The following FBXL7 variants were observed in gnomAD, a reference collection of about 807,000 sequenced individuals.
FBXL7 encodes the protein F-box and leucine rich repeat protein 7, also known as F-box/LRR-repeat protein 7.
Under a neutral mutation model 38.3 loss-of-function variants are expected in FBXL7, and 12 were observed. The observed-to-expected ratio is 0.31, with a 90% CI of 0.20 to 0.51. The LOEUF is 0.51. FBXL7 is among the 20% of genes least tolerant of loss of function. The pLI, the probability that FBXL7 is intolerant of heterozygous loss-of-function variation, is 0.98. For missense variants in FBXL7, 567 were observed against 676.4 expected, an observed-to-expected ratio of 0.84 and a Z score of 1.79; for synonymous variants, 297 against 300.9, an observed-to-expected ratio of 0.99 and a Z score of 0.13.
intron 2 of FBXL7, among the ~76,000 whole-genome samples, chr5:15,791,382 A>C (rs1305532568): frequency 6.6e-6 from 1 of 152,106 alleles, no homozygotes; most frequent in African/African-American, 2.4e-5. Context: ...TGATAACTCA[A>C]ATAAAAACTG....
chr5:15,650,819 T>C (rs1741684294), intron 2 of FBXL7, among the ~76,000 whole-genome samples: 1 of 152,182 alleles, frequency 6.6e-6, no homozygotes, highest in African/African-American at 2.4e-5. Flanking sequence ...AGCAATTCAG[T>C]CAAATCTTCA....
At chr5:15,584,918 GAGC>G (rs1255960313) in intron 1 of FBXL7, among the ~76,000 whole-genome samples, 2 of 152,198 alleles carry the variant, frequency 1.3e-5, no homozygotes, top group Non-Finnish European at 2.9e-5. Flanking sequence ...AGGCAGGAGA[GAGC>G]AGGGGAAACT....
At chr5:15,551,367 T>A (rs1431736706) in intron 1 of FBXL7, among the ~76,000 whole-genome samples, 1 of 152,254 alleles carries the variant, frequency 6.6e-6, no homozygotes, top group African/African-American at 2.4e-5. Flanking sequence ...TGTGCAAAGT[T>A]CTTTCTACAA....
intron 2 of FBXL7, among the ~76,000 whole-genome samples, chr5:15,816,563 T>C (rs993211886): frequency 6.6e-6 from 1 of 152,182 alleles, no homozygotes; most frequent in South Asian, 2.1e-4. Context: ...ATGACTCCAG[T>C]GACAGATGCA....
chr5:15,868,342 G>C (rs764813673), intron 2 of FBXL7, among the ~76,000 whole-genome samples: 16 of 152,184 alleles, frequency 1.1e-4, no homozygotes, highest in Non-Finnish European at 2.1e-4. Context: ...TCTTAGCCTG[G>C]TGAGATCCAT....
At chr5:15,800,759 CG>C (rs759103633) in intron 2 of FBXL7, among the ~76,000 whole-genome samples, 5 of 152,188 alleles carry the variant, frequency 3.3e-5, no homozygotes, top group East Asian at 1.9e-4. Flanking sequence ...GAGGCATGTC[CG>C]GGGTGTTATC....
intron 2 of FBXL7, 126 bp from the exon 3 acceptor site, chr5:15,927,764 T>TAAAAAAAAAAAAAAAAAAAA (rs753935096): frequency 7.9e-5 from 36 of 456,824 alleles, no homozygotes; most frequent in African/African-American, 6.6e-4. Flanking sequence ...GACAAGATCT[T>TAAAAAAAAAAAAAAAAAAAA]AAAAAAAAAA....
intron 2 of FBXL7, among the ~76,000 whole-genome samples, chr5:15,758,325 T>A (rs866893264): frequency 9.2e-5 from 14 of 151,952 alleles, no homozygotes; most frequent in Middle Eastern, 3.4e-3. Flanking sequence ...TTTTTTTTTT[T>A]AATTTTAGAA....
At chr5:15,827,652 A>G (rs1292173733) in intron 2 of FBXL7, among the ~76,000 whole-genome samples, 1 of 152,160 alleles carries the variant, frequency 6.6e-6, no homozygotes, top group Non-Finnish European at 1.5e-5. Flanking sequence ...TGATAACGAC[A>G]TTAATCCATT....
At chr5:15,544,163 G>A (rs1021801305) in intron 1 of FBXL7, among the ~76,000 whole-genome samples, 1 of 152,204 alleles carries the variant, frequency 6.6e-6, no homozygotes, top group Non-Finnish European at 1.5e-5. Context: ...CAGTGCCTCT[G>A]CTGCTGCTCT....
intron 2 of FBXL7, among the ~76,000 whole-genome samples, chr5:15,726,741 T>G (rs1045426805): frequency 2.3e-5 from 3 of 128,828 alleles, no homozygotes; most frequent in Non-Finnish European, 5.0e-5. Flanking sequence ...ATGAGCCTTT[T>G]GTGGATAGCA....
At chr5:15,935,375 A>G (rs1742153950) in intron 3 of FBXL7, 3 of 401,074 alleles carry the variant, frequency 7.5e-6, no homozygotes, top group African/African-American at 5.9e-5. Context: ...CCTGGAGTGA[A>G]CGGGCGTCAT....
intron 2 of FBXL7, among the ~76,000 whole-genome samples, chr5:15,646,337 G>T (rs1015293520): frequency 1.7e-4 from 26 of 152,152 alleles, no homozygotes; most frequent in African/African-American, 6.0e-4. Context: ...AGAGGTTAAG[G>T]ATCTTGCTTG....
chr5:15,571,722 T>C (rs796294327), intron 1 of FBXL7, among the ~76,000 whole-genome samples: 4 of 152,184 alleles, frequency 2.6e-5, no homozygotes, highest in African/African-American at 9.6e-5. Context: ...GGAAGAGTGC[T>C]TGGAGGCTTT....
chr5:15,819,455 T>C (rs866211803), intron 2 of FBXL7, among the ~76,000 whole-genome samples: 2 of 152,310 alleles, frequency 1.3e-5, no homozygotes, highest in Non-Finnish European at 2.9e-5. Flanking sequence ...TATTATGTTA[T>C]CATTATGATT....
intron 1 of FBXL7, among the ~76,000 whole-genome samples, chr5:15,613,219 A>G (rs1740314478): frequency 1.3e-5 from 2 of 152,188 alleles, no homozygotes; most frequent in Admixed American, 1.3e-4. Flanking sequence ...GCTGCTAGGA[A>G]TCATTTTTCC....
chr5:15,904,984 C>T (rs577921465), intron 2 of FBXL7, among the ~76,000 whole-genome samples: 74 of 152,302 alleles, frequency 4.9e-4, no homozygotes, highest in Non-Finnish European at 8.4e-4. Flanking sequence ...CTTGAATTCG[C>T]TTAAACAGGA....
At chr5:15,695,983 C>CA (rs1192953509) in intron 2 of FBXL7, among the ~76,000 whole-genome samples, 3 of 152,158 alleles carry the variant, frequency 2.0e-5, no homozygotes, top group South Asian at 2.1e-4. Flanking sequence ...GAAGAATTTT[C>CA]AAAAAATTCG....
chr5:15,668,366 GTT>G (rs1491110041), intron 2 of FBXL7, among the ~76,000 whole-genome samples: 1,622 of 126,802 alleles, frequency 0.013, 13 homozygotes, highest in Non-Finnish European at 0.018. Context: ...TTATATTTGT[GTT>G]TGTGTGTGTG....
Sources: allele counts gnomAD v4.1 joint callset (sites outside exome capture counted in the v4.1 genomes callset), GRCh38; gene constraint gnomAD v4.1.1; transcripts MANE v1.5; gene names NCBI Gene and HGNC (gene_info 2026-07-23, HGNC 2026-07-21).